ATP6V1B1: variants seen among roughly 807,000 people sequenced by gnomAD.
ATP6V1B1 encodes V-type proton ATPase subunit B, kidney isoform.
Under a neutral mutation model 62.1 loss-of-function variants are expected in ATP6V1B1, and 41 were observed. That is an observed-to-expected ratio of 0.66 (90% confidence interval 0.51 to 0.86). The LOEUF (loss-of-function observed/expected upper bound fraction) is 0.86. Among genes scored for constraint, ATP6V1B1 ranks in the 40% least tolerant of loss-of-function variants. ATP6V1B1 has a pLI of 0.00. For synonymous variants in ATP6V1B1, 253 were observed against 273.4 expected, an observed-to-expected ratio of 0.93 and a Z score of 0.74; for missense variants, 651 against 697.5, an observed-to-expected ratio of 0.93 and a Z score of 0.75.
At position 70,961,065 on chromosome 2, in the gene ATP6V1B1, C is replaced by A. The variant is rs1465699525; in HGVS notation, c.687+43C>A. On this transcript the variant is annotated intron_variant, in intron 7 of 13. Transcript: ENST00000234396. ...ACTGGCAAGTTCTGGAGGCTGTGAG[C>A]AGGCAGCCTGTCTCCCTCAGCCCCT... The A allele has an allele frequency of 5.2e-6, 8 of 1,539,456 alleles. No individual in the cohort carries two copies. In the East Asian group the frequency reaches 1.2e-4, roughly 24 times the overall value.
chr2:70,942,113 C>T lies in ATP6V1B1; in HGVS notation c.119-1545C>T, dbSNP rs144309576. On this transcript the variant is annotated intron_variant, in intron 1 of 13. Transcript: ENST00000234396. ...GAGAGAGAGGCAAGGAGGCTCTGGT[C>T]CTTCACCCCATGGAGTCATCTCTAG... 6,084 of 948,896 alleles carry T rather than the reference C, an allele frequency of 6.4e-3. 29 individuals are homozygous for T. The highest frequency in any genetic ancestry group is 0.011 in the South Asian group (206 of 18,034). The allele number at this position is 948,896 out of a possible 1,614,324, so 58.8% of individuals were successfully genotyped here.
In ATP6V1B1 at chr2:70,964,989, G is replaced by T. The variant is rs782633175; in HGVS notation, c.1410G>T (p.Ser470=). 2 of 1,613,910 alleles carry T rather than the reference G, an allele frequency of 1.2e-6. No individual in the cohort carries two copies. Among genetic ancestry groups the T allele is most frequent in the Admixed American group, 3.3e-5 (2 of 60,030 alleles). The change falls in exon 14 of 14, where the codon TCG becomes TCT. Residue 470 remains serine (S), a synonymous_variant. Transcript: ENST00000234396. The part of the protein sequence containing the change: ...GPYENRSVFE[S]LDLGWKLLRI... ...ACGAGAACCGCTCGGTGTTCGAGTC[G>T]CTGGACCTGGGCTGGAAGCTGCTGC...
chr2:70,949,096 G>C (rs573205327), intron 2 of ATP6V1B1, among the ~76,000 whole-genome samples: 1 of 152,314 alleles, frequency 6.6e-6, no homozygotes, highest in South Asian at 2.1e-4. Context: ...GGAAAGACAC[G>C]TAAAGTTAAC....
rs1157397550 is a variant in ATP6V1B1, at chr2:70,940,635, G to A, written c.119-3023G>A. On this transcript the variant is annotated intron_variant, in intron 1 of 13. Transcript: ENST00000234396. ...CTGTCTCCTACCCTTTCTCGTTGAG[G>A]AGTCTTCCTATGCCCAACAGCCCCT... 5 of 985,264 alleles carry A rather than the reference G, an allele frequency of 5.1e-6. No homozygotes were observed. The African/African-American group carries it at 8.7e-5, about 17-fold the overall frequency. 61.0% of individuals were successfully genotyped at this position (985,264 alleles called of 1,614,324 possible).
chr2:70,957,946 G>A, intron 2 of ATP6V1B1, 100 bp from the exon 3 acceptor site: 1 of 1,062,692 alleles, frequency 9.4e-7, no homozygotes, highest in Non-Finnish European at 1.4e-6. Flanking sequence ...GACACTAGAG[G>A]GGAGAGAACA....
In ATP6V1B1 at chr2:70,963,437, C is replaced by A; in HGVS notation, c.1060+125C>A. 2 of 1,537,416 alleles carry A rather than the reference C, an allele frequency of 1.3e-6. No individual in the cohort carries two copies. Among genetic ancestry groups the A allele is most frequent in the Non-Finnish European group, 1.8e-6 (2 of 1,115,374 alleles). On this transcript the variant is annotated intron_variant, in intron 10 of 13. Coordinates refer to ENST00000234396, the MANE Select transcript of ATP6V1B1 (RefSeq NM_001692.4). This position sits in a 1 kb window ranked among gnomAD's most constrained non-coding sequence, Gnocchi z 4.3. ...AGCGCTTTTCCTCCATCGAGATAGA[C>A]ACTGCCCTTTCCTCCACCATCCATG...
intron 2 of ATP6V1B1, among the ~76,000 whole-genome samples, chr2:70,956,453 T>TTCA (rs1680434019): frequency 6.6e-6 from 1 of 152,228 alleles, no homozygotes; most frequent in Non-Finnish European, 1.5e-5. Context: ...TGTTTATCCA[T>TTCA]TCATCAGTTG....
Position 70,959,217 on chromosome 2 carries a change from TA to T in ATP6V1B1, c.445+123del. On this transcript the variant is annotated intron_variant, in intron 5 of 13. Transcript: ENST00000234396. The surrounding 1 kb of genome is among the most constrained non-coding windows in gnomAD (Gnocchi z 4.2). ...GATGGGAGAGCAGCAAAGGCCTCTC[TA>T]TCCCCAAATCTTCCACTGAACCCCA... 1 of 1,047,114 alleles carries T rather than the reference TA, an allele frequency of 9.6e-7. No individual in the cohort carries two copies. Among genetic ancestry groups the T allele is most frequent in the Admixed American group, 2.0e-5 (1 of 50,802 alleles). 64.9% of individuals were successfully genotyped at this position (1,047,114 alleles called of 1,614,324 possible).
intron 2 of ATP6V1B1, chr2:70,944,017 TG>T (rs1386687174): frequency 2.5e-5 from 25 of 985,424 alleles, no homozygotes; most frequent in Non-Finnish European, 3.0e-5. Flanking sequence ...ATCAGTGGCA[TG>T]GACGTACCTA....
At chr2:70,940,345 C>CCCCAACCAAAAAA in intron 1 of ATP6V1B1, 1 of 902,808 alleles carries the variant, frequency 1.1e-6, no homozygotes, top group Non-Finnish European at 1.3e-6. Flanking sequence ...CCCACACCCC[C>CCCCAACCAAAAAA]ACCTCCCTAT....
chr2:70,951,411 T>C (rs1680320741), intron 2 of ATP6V1B1, among the ~76,000 whole-genome samples: 1 of 152,130 alleles, frequency 6.6e-6, no homozygotes, highest in South Asian at 2.1e-4. Flanking sequence ...TTACCTGATA[T>C]CGGGTAAGCT....
intron 2 of ATP6V1B1, chr2:70,944,177 T>A (rs1227777959): frequency 7.8e-7 from 1 of 1,287,676 alleles, no homozygotes; most frequent in Admixed American, 2.4e-5. Context: ...TTTCTAGGGA[T>A]CTTGATGGCC....
At chr2:70,941,379 C>G (rs554855908) in intron 1 of ATP6V1B1, 1 of 985,526 alleles carries the variant, frequency 1.0e-6, no homozygotes, top group Non-Finnish European at 1.2e-6. Context: ...TTCTGTTCCA[C>G]GAAGGCCCTG....
rs781959848 is a variant in ATP6V1B1 at position 70,965,117 on chromosome 2, T to C, written c.1538T>C (p.Leu513Pro). The C allele has an allele frequency of 5.0e-6, 8 of 1,609,790 alleles. No individual in the cohort carries two copies. The highest frequency in any genetic ancestry group is 5.9e-6 in the Non-Finnish European group (7 of 1,179,928). Residue 513 changes from leucine to proline, a missense_variant, in exon 14 of 14, where the codon CTC (leucine) becomes CCC (proline). Leu to Pro is a moderately conservative substitution (Grantham distance 98). Coordinates refer to ENST00000234396, the MANE Select transcript of ATP6V1B1 (RefSeq NM_001692.4). ...ALQDLAPDTA[L>P] ...CAGGACCTCGCGCCTGACACTGCGC[T>C]CTAGCCCCGCGCGCCGTGGCACCCC... is the stretch of plus-strand genomic sequence containing the variant.
rs1680630059 is a variant in ATP6V1B1, at chr2:70,963,119, C to T, written c.910-43C>T. ...TCCCACCCACCCTTCCTAGCTTCAG[C>T]CTCTCATCCCCTTTCTTACCCCAGT... On this transcript the variant is annotated intron_variant, in intron 9 of 13. Transcript: ENST00000234396. This position sits in a 1 kb window ranked among gnomAD's most constrained non-coding sequence, Gnocchi z 4.3. 2.5e-6 allele frequency: 4 copies of T among 1,613,728 alleles called. No homozygotes were observed. The highest frequency in any genetic ancestry group is 3.4e-6 in the Non-Finnish European group (4 of 1,179,880).
chr2:70,946,031 C>T (rs1006410756), intron 2 of ATP6V1B1, among the ~76,000 whole-genome samples: 3 of 152,012 alleles, frequency 2.0e-5, no homozygotes, highest in Non-Finnish European at 4.4e-5. Flanking sequence ...CTGCTATTGG[C>T]CATGAACTGT....
At position 70,954,654 on chromosome 2, in the gene ATP6V1B1, TTTTG is replaced by T. The variant is rs544745202; in HGVS notation, c.175-3388_175-3385del. ...TGTTTTGGGTTTTTGTTTGGTTTGG[TTTTG>T]TTTTTCATAGAGATGGGTCTCGCTG... is the stretch of plus-strand genomic sequence containing the variant. On this transcript the variant is annotated intron_variant, in intron 2 of 13. Coordinates refer to ENST00000234396, the MANE Select transcript of ATP6V1B1 (RefSeq NM_001692.4). 2.7e-3 allele frequency among the ~76,000 whole-genome samples: 418 copies of T among 152,306 alleles called. 1 individual carries two copies. Among genetic ancestry groups the T allele is most frequent in the African/African-American group, 9.7e-3 (404 of 41,566 alleles).
rs782539163 is a variant in ATP6V1B1, at chr2:70,935,944, G to A, written c.-11G>A. On this transcript the variant is annotated 5_prime_UTR_variant, in exon 1 of 14. Transcript: ENST00000234396. ...GGCTCAGACACTGGGCTCCCAGCTG[G>A]GGACTGCTCCATGGCCATGGAGATA... 6.2e-7 allele frequency: 1 copy of A among 1,609,692 alleles called. No individual in the cohort carries two copies. The highest frequency in any genetic ancestry group is 1.1e-5 in the South Asian group (1 of 90,810).
chr2:70,940,220 TGTG>T (rs1430360899), intron 1 of ATP6V1B1: 1 of 292,194 alleles, frequency 3.4e-6, no homozygotes, highest in Admixed American at 6.5e-5. Flanking sequence ...TGACAGGGGC[TGTG>T]AAGTGGGGGA....
Sources: allele counts gnomAD v4.1 joint callset (sites outside exome capture counted in the v4.1 genomes callset), GRCh38; gene constraint gnomAD v4.1.1; non-coding constraint Gnocchi (gnomAD v3.1); transcripts MANE v1.5; gene names NCBI Gene and HGNC (gene_info 2026-07-23, HGNC 2026-07-21).